Variants in PCDHGA7 observed in about 807,000 individuals in gnomAD.
The protein encoded by PCDHGA7 is protocadherin gamma-A7.
PCDHGA7 carries 44 observed loss-of-function variants against 58.3 expected under a neutral mutation model. The observed-to-expected ratio is 0.75, with a 90% confidence interval of 0.59 to 0.97. The LOEUF is 0.97. Ranked by LOEUF, PCDHGA7 falls within the 50% of genes least tolerant of loss-of-function variation. The probability of loss-of-function intolerance (pLI) is 0.00; values close to 1 mark genes in which losing one functional copy is unlikely to be tolerated. For synonymous variants in PCDHGA7, 516 were observed against 504.2 expected (o/e 1.02, Z -0.31); for missense variants, 1,266 against 1,188.7 (o/e 1.06, Z -0.96).
At chr5:141,509,805 G>A (rs150684746) in intron 3 of PCDHGA7, among the ~76,000 whole-genome samples, 2 of 152,248 alleles carry the variant, frequency 1.3e-5, no homozygotes, top group Middle Eastern at 3.4e-3. Flanking sequence ...GCTTCATAGA[G>A]CCGAGCTCTT....
intron 1 of PCDHGA7, chr5:141,415,339 C>T (rs776585248): frequency 7.4e-6 from 12 of 1,614,190 alleles, no homozygotes; most frequent in Non-Finnish European, 1.0e-5. Context: ...CAGGCTGCGG[C>T]GCTGGCACAA....
intron 1 of PCDHGA7, chr5:141,397,846 A>C: frequency 1.9e-6 from 1 of 528,462 alleles, no homozygotes; most frequent in South Asian, 3.1e-5. Flanking sequence ...GAAGCCGCAG[A>C]GGCTGTAGTT....
At chr5:141,450,986 G>A (rs950903600) in intron 1 of PCDHGA7, among the ~76,000 whole-genome samples, 15 of 151,310 alleles carry the variant, frequency 9.9e-5, no homozygotes, top group Non-Finnish European at 1.3e-4. Context: ...CACCACACCC[G>A]GCTAATTTTT....
intron 1 of PCDHGA7, chr5:141,419,328 C>T (rs2096360351): frequency 6.2e-7 from 1 of 1,613,954 alleles, no homozygotes. Context: ...GTCTCCTACT[C>T]TCTCATTGCC....
chr5:141,421,829 T>C, intron 1 of PCDHGA7: 1 of 1,613,784 alleles, frequency 6.2e-7, no homozygotes, highest in Non-Finnish European at 8.5e-7. Flanking sequence ...GAGGGAAGCC[T>C]GGACCGAGAG....
chr5:141,404,680 G>C, intron 1 of PCDHGA7: 1 of 1,614,160 alleles, frequency 6.2e-7, no homozygotes, highest in East Asian at 2.2e-5. Context: ...CTGGTGTGGA[G>C]CTGGCACCCC....
chr5:141,450,592 T>G (rs1403924348), intron 1 of PCDHGA7, among the ~76,000 whole-genome samples: 1 of 151,838 alleles, frequency 6.6e-6, no homozygotes, highest in Non-Finnish European at 1.5e-5. Context: ...GTTCAAGCAA[T>G]TCTCCTGCCT....
At chr5:141,457,280 A>T (rs964027392) in intron 1 of PCDHGA7, among the ~76,000 whole-genome samples, 1 of 152,196 alleles carries the variant, frequency 6.6e-6, no homozygotes, top group Non-Finnish European at 1.5e-5. Flanking sequence ...TGGGCCTACG[A>T]AGTTCCTTGG....
At chr5:141,480,703 C>T (rs577131684) in intron 1 of PCDHGA7, among the ~76,000 whole-genome samples, 10 of 152,252 alleles carry the variant, frequency 6.6e-5, no homozygotes, top group Admixed American at 1.3e-4. Flanking sequence ...GGCCACACCC[C>T]GACAAATGAA....
intron 1 of PCDHGA7, among the ~76,000 whole-genome samples, chr5:141,445,277 A>G (rs769047096): frequency 6.6e-6 from 1 of 152,256 alleles, no homozygotes; most frequent in African/African-American, 2.4e-5. Flanking sequence ...ACCACTCTGC[A>G]TAAGTTCAGG....
chr5:141,421,374 C>T, intron 1 of PCDHGA7: 1 of 1,614,062 alleles, frequency 6.2e-7, no homozygotes, highest in Non-Finnish European at 8.5e-7. Flanking sequence ...TGGGCAATAT[C>T]TCCAAGGACC....
At chr5:141,400,560 C>CGTAA in intron 1 of PCDHGA7, 5 of 1,613,248 alleles carry the variant, frequency 3.1e-6, no homozygotes, top group Non-Finnish European at 3.4e-6. Flanking sequence ...TTTCATTACC[C>CGTAA]ACCCAATTTT....
chr5:141,474,557 G>A (rs1261720500), intron 1 of PCDHGA7, among the ~76,000 whole-genome samples: 1 of 152,184 alleles, frequency 6.6e-6, no homozygotes, highest in African/African-American at 2.4e-5. Context: ...AAAACTGGGG[G>A]TTTTCAGAGA....
chr5:141,496,992 C>T (rs1055856428), intron 2 of PCDHGA7, among the ~76,000 whole-genome samples: 2 of 151,918 alleles, frequency 1.3e-5, no homozygotes, highest in African/African-American at 2.4e-5. Context: ...TTGAGACCAG[C>T]CTGGCAGCCA....
intron 1 of PCDHGA7, among the ~76,000 whole-genome samples, chr5:141,466,670 G>T (rs994949602): frequency 6.6e-6 from 1 of 152,046 alleles, no homozygotes; most frequent in Non-Finnish European, 1.5e-5. Flanking sequence ...TGATTTCACC[G>T]TTCTTCCACT....
At position 141,491,969 on chromosome 5, in the gene PCDHGA7, C is replaced by A; in HGVS notation, c.2425-2838C>A. ...CCCCTACACTCAAAAAAGGCCGGGGCCTCCTTCGAGCTTCCGGTGAATTTC... is the reference window on the plus strand; with the variant it reads ...CCCCTACACTCAAAAAAGGCCGGGGACTCCTTCGAGCTTCCGGTGAATTTC... On this transcript the variant is annotated intron_variant, in intron 1 of 3. Coordinates refer to ENST00000518325, the MANE Select transcript of PCDHGA7 (RefSeq NM_018920.4). The surrounding 1 kb of genome is among the most constrained non-coding windows in gnomAD (Gnocchi z 6.9). 1 of 898,714 alleles carries A rather than the reference C, an allele frequency of 1.1e-6. No individual in the cohort carries two copies. Among genetic ancestry groups the A allele is most frequent in the Non-Finnish European group, 1.6e-6 (1 of 629,384 alleles). 55.7% of individuals were successfully genotyped at this position (898,714 alleles called of 1,614,324 possible). A position where few individuals can be genotyped will look rare whatever the true frequency, so the allele number is the denominator to read the frequency against.
chr5:141,446,771 A>G (rs1008985621), intron 1 of PCDHGA7, among the ~76,000 whole-genome samples: 3 of 152,158 alleles, frequency 2.0e-5, no homozygotes, highest in Admixed American at 2.0e-4. Flanking sequence ...CCAGCCGGTT[A>G]CCATTCTTTT....
intron 2 of PCDHGA7, among the ~76,000 whole-genome samples, chr5:141,501,287 TTA>T (rs1491235092): frequency 6.2e-5 from 6 of 96,980 alleles, no homozygotes; most frequent in African/African-American, 2.5e-4. Context: ...GGATATTCCC[TTA>T]TACACACACA....
chr5:141,494,182 C>T (rs188628485), intron 1 of PCDHGA7, among the ~76,000 whole-genome samples: 132 of 152,244 alleles, frequency 8.7e-4, no homozygotes, highest in African/African-American at 3.1e-3. Flanking sequence ...AGAAGTGTCC[C>T]GGGACTTGGA....
Sources: allele counts gnomAD v4.1 joint callset (sites outside exome capture counted in the v4.1 genomes callset), GRCh38; gene constraint gnomAD v4.1.1; non-coding constraint Gnocchi (gnomAD v3.1); transcripts MANE v1.5; gene names NCBI Gene and HGNC (gene_info 2026-07-23, HGNC 2026-07-21).